Variants in HSPH1 observed in about 807,000 individuals in gnomAD.
HSPH1 encodes the protein heat shock protein 105 kDa.
In HSPH1, 40 loss-of-function variants were observed where a neutral mutation model predicts 100.0. That is an observed-to-expected ratio of 0.40 (90% CI 0.31 to 0.52). HSPH1 has a LOEUF of 0.52. Ranked by LOEUF, HSPH1 falls within the 20% of genes least tolerant of loss-of-function variation. The pLI, the probability that HSPH1 is intolerant of heterozygous loss-of-function variation, is 0.54. For synonymous variants in HSPH1, 403 were observed against 344.0 expected (o/e 1.17, Z -1.90); for missense variants, 876 against 1,015.1 (o/e 0.86, Z 1.86).
chr13:31,141,801 TACACACACACACAC>T (rs58627057), intron 12 of HSPH1, among the ~76,000 whole-genome samples: 2 of 91,570 alleles, frequency 2.2e-5, no homozygotes, highest in Non-Finnish European at 5.5e-5. Flanking sequence ...TACACATACA[TACACACACACACAC>T]ACACACACAC....
rs1284708927 is a variant in HSPH1, at chr13:31,152,948, G to C, written c.433C>G (p.Pro145Ala). ...KPVTDCVISV[P>A]SFFTDAERRS... ...CTCTCAGCATCTGTAAAGAAGGAGG[G>C]GACCTACAAACAAACAAAAAATTTT... The change falls in exon 5 of 18, where the codon CCC becomes GCC. Residue 145 changes from proline to alanine, a missense_variant. By Grantham distance (27) the Pro-to-Ala change is conservative (BLOSUM62 -1). Transcript: ENST00000320027. 1 of 1,608,336 alleles carries C rather than the reference G, an allele frequency of 6.2e-7. No individual in the cohort carries two copies. Among genetic ancestry groups the C allele is most frequent in the African/African-American group, 1.3e-5 (1 of 74,666 alleles).
Position 31,148,016 on chromosome 13 carries a change from C to A in HSPH1, c.1321G>T (p.Glu441Ter), listed in dbSNP as rs1375874774. ...GGATCAGAATAGAAAGCTTCTAGCT[C>A]AAAAGGCCCCCTTCTCAGAAAGGTG... Reference protein sequence around the residue: ...VLTFLRRGPFELEAFYSDPQG... With the variant: ...VLTFLRRGPF The change falls in exon 10 of 18, where the codon GAG (glutamate) becomes TAG (stop). Residue 441 changes from glutamate to a stop codon, truncating the protein, a stop_gained. Coordinates refer to ENST00000320027, the MANE Select transcript of HSPH1 (RefSeq NM_006644.4). LOFTEE classifies it high-confidence loss of function. 1 of 1,610,684 alleles carries A rather than the reference C, an allele frequency of 6.2e-7. No homozygotes were observed. The highest frequency in any genetic ancestry group is 1.3e-5 in the African/African-American group (1 of 74,532).
Position 31,135,225 on chromosome 13 carries a change from C to T in HSPH1, c.*2093G>A, listed in dbSNP as rs1278469289. The T allele has an allele frequency of 1.3e-5, 2 of 152,174 alleles. No individual in the cohort carries two copies. The highest frequency in any genetic ancestry group is 2.9e-5 in the Non-Finnish European group (2 of 68,020). 9.4% of individuals were successfully genotyped at this position (152,174 alleles called of 1,614,324 possible). Reference sequence around the variant, plus strand: ...CTGATTTAGGCCAGACTGACTGATGCTCCCTCCCGTCATCAGGTTCTATTT... The same window carrying T: ...CTGATTTAGGCCAGACTGACTGATGTTCCCTCCCGTCATCAGGTTCTATTT... On this transcript the variant is annotated 3_prime_UTR_variant, in exon 18 of 18. Coordinates refer to ENST00000320027, the MANE Select transcript of HSPH1 (RefSeq NM_006644.4).
At chr13:31,155,899 G>A (rs1486627601) in intron 2 of HSPH1, among the ~76,000 whole-genome samples, 1 of 152,168 alleles carries the variant, frequency 6.6e-6, no homozygotes, top group African/African-American at 2.4e-5. Flanking sequence ...AAAATAGTGT[G>A]ACGACAGACT....
Position 31,155,654 on chromosome 13 carries a change from G to A in HSPH1, c.166C>T (p.Gln56Ter). The A allele has an allele frequency of 6.3e-7, 1 of 1,577,436 alleles. No individual in the cohort carries two copies. The highest frequency in any genetic ancestry group is 8.6e-7 in the Non-Finnish European group (1 of 1,164,036). Residue 56 changes from glutamine (Q) to a stop codon, truncating the protein, a stop_gained and splice_region_variant, in exon 3 of 18, where the codon CAA becomes TAA. Coordinates refer to ENST00000320027, the MANE Select transcript of HSPH1 (RefSeq NM_006644.4). LOFTEE classifies it high-confidence loss of function. Reference sequence around the variant, plus strand: ...ACCGTATTGTTTGCATGAGTGATTTGCTGCAAAAAGAAGTTTGAGATTTTA... The same window carrying A: ...ACCGTATTGTTTGCATGAGTGATTTACTGCAAAAAGAAGTTTGAGATTTTA... ...RTIGVAAKNQ[Q>*]ITHANNTVSN...
At chr13:31,145,252 G>C (rs1272509515) in intron 11 of HSPH1, among the ~76,000 whole-genome samples, 2 of 152,096 alleles carry the variant, frequency 1.3e-5, no homozygotes, top group Non-Finnish European at 2.9e-5. Flanking sequence ...TTAAACGTCA[G>C]TCAACATTCG....
Position 31,161,629 on chromosome 13 carries a change from C to T in HSPH1, c.-47G>A, listed in dbSNP as rs372683170. 10 of 1,603,956 alleles carry T rather than the reference C, an allele frequency of 6.2e-6. No individual in the cohort carries two copies. The African/African-American group carries it at 8.0e-5, about 13-fold the overall frequency. On this transcript the variant is annotated 5_prime_UTR_variant, in exon 1 of 18. Transcript: ENST00000320027. ...CGCCTCGGGTCTCGGTCTGCGTCCT[C>T]CGGCCCCCTGCCTGCTTCTCCTGCC...
intron 14 of HSPH1, 68 bp from the exon 15 acceptor site, chr13:31,139,175 GTA>G (rs1196875229): frequency 2.0e-6 from 2 of 994,588 alleles, no homozygotes; most frequent in African/African-American, 3.2e-5. Flanking sequence ...AAACAAAGAG[GTA>G]TTCTCACACT....
At chr13:31,154,579 T>C in intron 4 of HSPH1, 54 bp downstream of exon 4, 1 of 1,606,120 alleles carries the variant, frequency 6.2e-7, no homozygotes, top group Non-Finnish European at 8.5e-7. Context: ...TTAAAAGTAA[T>C]ACAAAGAACG....
In HSPH1 at chr13:31,155,513, C is replaced by T. The variant is rs1956652296; in HGVS notation, c.306+1G>A. 6.2e-7 allele frequency: 1 copy of T among 1,607,398 alleles called. No individual in the cohort carries two copies. The highest frequency in any genetic ancestry group is 1.3e-5 in the African/African-American group (1 of 74,626). On this transcript the variant is annotated splice_donor_variant, in intron 3 of 17. Transcript: ENST00000320027. LOFTEE classifies it high-confidence loss of function. ...TTTCTAAGGTTGCTCAATTATATTA[C>T]CTTTATTCCAACTCCACCATTTTTC...
intron 4 of HSPH1, 182 bp downstream of exon 4, chr13:31,154,451 C>T (rs1355560612): frequency 4.4e-6 from 3 of 685,952 alleles, no homozygotes; most frequent in East Asian, 2.8e-5. Flanking sequence ...GAACCTTTGC[C>T]GCTTCTGGCT....
intron 1 of HSPH1, 124 bp downstream of exon 1, chr13:31,161,352 G>T: frequency 6.8e-7 from 1 of 1,474,650 alleles, no homozygotes; most frequent in Non-Finnish European, 9.1e-7. Context: ...TTCCACGGAG[G>T]GGTGCGCCGC....
intron 8 of HSPH1, 116 bp downstream of exon 8, chr13:31,149,838 T>TA: frequency 1.3e-6 from 1 of 788,612 alleles, no homozygotes; most frequent in Non-Finnish European, 2.2e-6. Flanking sequence ...CGGGTTTGTT[T>TA]AAAATGTCCT....
chr13:31,161,129 T>C, intron 1 of HSPH1, among the ~76,000 whole-genome samples: 1 of 152,170 alleles, frequency 6.6e-6, no homozygotes, highest in East Asian at 1.9e-4. Context: ...GGCTGCAGCC[T>C]GCCAAGAAAA....
chr13:31,149,034 A>C (rs893768323), intron 8 of HSPH1, among the ~76,000 whole-genome samples: 9 of 152,142 alleles, frequency 5.9e-5, no homozygotes, highest in African/African-American at 2.2e-4. Context: ...AGCTAAATAG[A>C]CCAAAAAAGT....
intron 8 of HSPH1, 48 bp from the exon 9 acceptor site, chr13:31,148,528 A>G (rs1956355755): frequency 1.7e-6 from 1 of 589,112 alleles, no homozygotes; most frequent in Non-Finnish European, 2.6e-6. Flanking sequence ...CTTCCCAGTC[A>G]TCTTTTAATA....
chr13:31,139,582 A>T (rs1956015433), intron 14 of HSPH1, among the ~76,000 whole-genome samples: 1 of 152,110 alleles, frequency 6.6e-6, no homozygotes, highest in Non-Finnish European at 1.5e-5. Context: ...CTAAGAACTG[A>T]ATTACATTAC....
In HSPH1 at chr13:31,148,495, A is replaced by C; in HGVS notation, c.1138-15T>G. Reference sequence around the variant, plus strand: ...AGTATTGCACACTTAAAAAAAAAAAAAAAAATCATGAGCACATGAACACTT... The same window carrying C: ...AGTATTGCACACTTAAAAAAAAAAACAAAAATCATGAGCACATGAACACTT... On this transcript the variant is annotated splice_polypyrimidine_tract_variant and intron_variant, in intron 8 of 17. Coordinates refer to ENST00000320027, the MANE Select transcript of HSPH1 (RefSeq NM_006644.4). 7.7e-7 allele frequency: 1 copy of C among 1,296,418 alleles called. No homozygotes were observed. Among genetic ancestry groups the C allele is most frequent in the Non-Finnish European group, 1.0e-6 (1 of 954,598 alleles). 80.3% of individuals were successfully genotyped at this position (1,296,418 alleles called of 1,614,324 possible).
At position 31,137,070 on chromosome 13, in the gene HSPH1, G is replaced by A. The variant is rs141185483; in HGVS notation, c.*248C>T. 45 of 647,984 alleles carry A rather than the reference G, an allele frequency of 6.9e-5. No individual in the cohort carries two copies. In the Middle Eastern group the frequency reaches 7.9e-4, roughly 11 times the overall value. The allele number at this position is 647,984 out of a possible 1,614,324, so 40.1% of individuals were successfully genotyped here. A position where few individuals can be genotyped will look rare whatever the true frequency, so the allele number is the denominator to read the frequency against. On this transcript the variant is annotated 3_prime_UTR_variant, in exon 18 of 18. Coordinates refer to ENST00000320027, the MANE Select transcript of HSPH1 (RefSeq NM_006644.4). The stretch of plus-strand genomic sequence containing the variant: ...AGTTTCATCCTCAGTGATGCAAATG[G>A]TGAGACTGCACAGAAAGCTTAGTAT...
Sources: allele counts gnomAD v4.1 joint callset (sites outside exome capture counted in the v4.1 genomes callset), GRCh38; gene constraint gnomAD v4.1.1; transcripts MANE v1.5; gene names NCBI Gene and HGNC (gene_info 2026-07-23, HGNC 2026-07-21).